The following MTHFD1L variants were observed in gnomAD, a reference collection of about 807,000 sequenced individuals.
MTHFD1L encodes methylenetetrahydrofolate dehydrogenase (NADP+ dependent) 1 like, also known as monofunctional C1-tetrahydrofolate synthase, mitochondrial.
In MTHFD1L, 81 loss-of-function variants were observed where a neutral mutation model predicts 119.5. That is an observed-to-expected ratio of 0.68 (90% CI 0.57 to 0.82). The LOEUF (loss-of-function observed/expected upper bound fraction) is 0.82, where lower values mean the gene tolerates loss of function less well. Among genes scored for constraint, MTHFD1L ranks in the 40% least tolerant of loss-of-function variants. MTHFD1L has a pLI of 0.00. For synonymous variants in MTHFD1L, 430 were observed against 475.2 expected (o/e 0.90, Z 1.24); for missense variants, 1,125 against 1,253.4 (o/e 0.90, Z 1.55).
intron 20 of MTHFD1L, among the ~76,000 whole-genome samples, chr6:150,982,281 C>G (rs749637848): frequency 6.6e-6 from 1 of 151,604 alleles, no homozygotes; most frequent in Non-Finnish European, 1.5e-5. Flanking sequence ...CTGGATTTGT[C>G]CTGCTAGCCA....
rs772190450 is a variant in MTHFD1L at position 151,014,927 on chromosome 6, T to A, written c.2355T>A (p.Ile785=). The change falls in exon 23 of 28, where the codon ATT becomes ATA. Residue 785 remains isoleucine, a synonymous_variant. Coordinates refer to ENST00000367321, the MANE Select transcript of MTHFD1L (RefSeq NM_015440.5). ...ADGCCNLQKQ[I]QITQLFGVPV... ...GCTGCTGTAACCTCCAGAAGCAAATTCAGATCACTCAGCTCTTTGGGGTTC... is the reference window on the plus strand; with the variant it reads ...GCTGCTGTAACCTCCAGAAGCAAATACAGATCACTCAGCTCTTTGGGGTTC... 23 of 1,613,996 alleles carry A rather than the reference T, an allele frequency of 1.4e-5. No individual in the cohort carries two copies. Among genetic ancestry groups the A allele is most frequent in the Non-Finnish European group, 1.9e-5 (22 of 1,180,014 alleles).
Position 150,973,810 on chromosome 6 carries a change from A to G in MTHFD1L, c.2125+1752A>G, listed in dbSNP as rs1442973300. Among the ~76,000 whole-genome samples the G allele has an allele frequency of 3.2e-4, 48 of 152,148 alleles. 1 individual carries two copies. The highest frequency in any genetic ancestry group is 1.5e-4 in the Non-Finnish European group (10 of 68,006). On this transcript the variant is annotated intron_variant, in intron 20 of 27. Transcript: ENST00000367321. ...GAAGTTGGACCAGATGAGGAGTTGGATGTGGATGTGTAGCCGTGGACTCAG... is the reference window on the plus strand; with the variant it reads ...GAAGTTGGACCAGATGAGGAGTTGGGTGTGGATGTGTAGCCGTGGACTCAG...
At chr6:151,074,079 C>T (rs1792255799) in intron 26 of MTHFD1L, among the ~76,000 whole-genome samples, 1 of 152,090 alleles carries the variant, frequency 6.6e-6, no homozygotes, top group African/African-American at 2.4e-5. Context: ...GGTGGTAGGT[C>T]AATATTTTTA....
At chr6:151,073,175 G>C (rs977515313) in intron 26 of MTHFD1L, among the ~76,000 whole-genome samples, 2 of 152,324 alleles carry the variant, frequency 1.3e-5, no homozygotes, top group African/African-American at 2.4e-5. Flanking sequence ...GTTTGCAGAG[G>C]TGGAGGACCG....
At chr6:151,065,292 AGGG>A (rs887792042) in intron 26 of MTHFD1L, among the ~76,000 whole-genome samples, 1 of 152,174 alleles carries the variant, frequency 6.6e-6, no homozygotes, top group African/African-American at 2.4e-5. Flanking sequence ...AAGGCCTAGC[AGGG>A]ACTCACGCCA....
chr6:150,939,289 C>G (rs886520191), intron 13 of MTHFD1L: 3 of 152,360 alleles, frequency 2.0e-5, no homozygotes, highest in African/African-American at 7.2e-5. Context: ...GGTCCCTGCA[C>G]GAGGATGACA....
chr6:151,075,654 T>A (rs1792422085), intron 26 of MTHFD1L, among the ~76,000 whole-genome samples: 1 of 152,174 alleles, frequency 6.6e-6, no homozygotes, highest in Non-Finnish European at 1.5e-5. Flanking sequence ...CAACAGCAGA[T>A]TACGCATTCT....
intron 20 of MTHFD1L, among the ~76,000 whole-genome samples, chr6:151,000,650 T>G (rs996363790): frequency 7.2e-5 from 11 of 152,356 alleles, no homozygotes; most frequent in African/African-American, 1.9e-4. Context: ...TATCCTGGTG[T>G]TGTCTCCTGG....
intron 16 of MTHFD1L, among the ~76,000 whole-genome samples, chr6:150,951,045 T>G (rs1794799106): frequency 1.0e-5 from 1 of 96,650 alleles, no homozygotes; most frequent in Non-Finnish European, 2.3e-5. Flanking sequence ...TTTTTTTTTG[T>G]TTTTTTTTTG....
intron 24 of MTHFD1L, among the ~76,000 whole-genome samples, chr6:151,033,782 T>C (rs1361070475): frequency 6.6e-6 from 1 of 152,214 alleles, no homozygotes; most frequent in Admixed American, 6.5e-5. Context: ...AAAAAATACT[T>C]GTTTTTAATA....
intron 12 of MTHFD1L, among the ~76,000 whole-genome samples, chr6:150,937,844 A>C (rs1412933395): frequency 6.6e-6 from 1 of 152,236 alleles, no homozygotes; most frequent in African/African-American, 2.4e-5. Flanking sequence ...CTACTGTCAA[A>C]TGATACACAC....
intron 21 of MTHFD1L, among the ~76,000 whole-genome samples, chr6:151,013,278 G>A (rs1048626616): frequency 6.6e-6 from 1 of 152,174 alleles, no homozygotes; most frequent in African/African-American, 2.4e-5. Flanking sequence ...TACTGGGGAG[G>A]CTGAGGCAGG....
chr6:151,018,824 CAG>C (rs1260890276), intron 24 of MTHFD1L, among the ~76,000 whole-genome samples: 3 of 152,236 alleles, frequency 2.0e-5, no homozygotes, highest in East Asian at 3.9e-4. Context: ...AGGAAGGACA[CAG>C]GGAATTAATT....
chr6:150,975,083 A>T (rs934428760), intron 20 of MTHFD1L, among the ~76,000 whole-genome samples: 1 of 152,178 alleles, frequency 6.6e-6, no homozygotes, highest in South Asian at 2.1e-4. Flanking sequence ...CATCGTATGG[A>T]TAGACCATAC....
chr6:150,911,361 C>A (rs530570956), intron 8 of MTHFD1L, among the ~76,000 whole-genome samples: 75 of 152,056 alleles, frequency 4.9e-4, no homozygotes, highest in Admixed American at 9.2e-4. Flanking sequence ...AGTAAGAATT[C>A]AAATAATTTA....
chr6:151,079,810 A>C (rs1345791846), intron 26 of MTHFD1L, among the ~76,000 whole-genome samples: 1 of 151,632 alleles, frequency 6.6e-6, no homozygotes, highest in East Asian at 2.0e-4. Context: ...CATGTTGCAT[A>C]GTAAGCCCTA....
At chr6:151,047,123 TA>T (rs1788213442) in intron 26 of MTHFD1L, among the ~76,000 whole-genome samples, 1 of 152,186 alleles carries the variant, frequency 6.6e-6, no homozygotes, top group Non-Finnish European at 1.5e-5. Context: ...ACTACCACTT[TA>T]AGCAAAAAGA....
At chr6:151,062,813 A>C (rs1392077968) in intron 26 of MTHFD1L, among the ~76,000 whole-genome samples, 1 of 140,834 alleles carries the variant, frequency 7.1e-6, no homozygotes, top group South Asian at 2.3e-4. Context: ...CTTGGATAGA[A>C]GGATACAAGA....
chr6:150,966,113 G>GAGGATCTGGTTAGGAACCTGTAT (rs1797178142), intron 19 of MTHFD1L, among the ~76,000 whole-genome samples: 2 of 152,198 alleles, frequency 1.3e-5, no homozygotes, highest in African/African-American at 4.8e-5. Context: ...CAGCAAGAGC[G>GAGGATCTGGTTAGGAACCTGTAT]AGGATCTGGT....
Sources: gnomAD v4.1 joint callset for allele counts (sites outside exome capture counted in the v4.1 genomes callset) on GRCh38, gnomAD v4.1.1 for gene constraint, MANE v1.5 for transcripts, NCBI Gene and HGNC (gene_info 2026-07-23, HGNC 2026-07-21) for gene names.